Variants in PCBP3 observed in about 807,000 individuals in gnomAD.
The protein encoded by PCBP3 is poly(rC)-binding protein 3.
Under a neutral mutation model 52.7 loss-of-function variants are expected in PCBP3, and 25 were observed. The ratio of observed to expected loss-of-function variants is 0.47; its 90% CI spans 0.35 to 0.66. The LOEUF (loss-of-function observed/expected upper bound fraction) is 0.66. Among genes scored for constraint, PCBP3 ranks in the 30% least tolerant of loss-of-function variants. PCBP3 has a pLI of 0.01. For missense variants in PCBP3, 391 were observed against 490.3 expected (o/e 0.80, Z 1.91); for synonymous variants, 162 against 183.0 (o/e 0.89, Z 0.93).
At chr21:45,746,628 T>C (rs1256225367) in intron 3 of PCBP3, among the ~76,000 whole-genome samples, 1 of 43,848 alleles carries the variant, frequency 2.3e-5, no homozygotes, top group African/African-American at 1.1e-4. Flanking sequence ...GCGCACACGG[T>C]GGTGTCAGCA....
chr21:45,794,928 CAAA>C (rs35538325), intron 4 of PCBP3, among the ~76,000 whole-genome samples: 2 of 95,810 alleles, frequency 2.1e-5, no homozygotes, highest in African/African-American at 4.0e-5. Context: ...GACTCTGTCT[CAAA>C]AAAAAAAAAA....
chr21:45,778,541 T>C (rs534560359), intron 4 of PCBP3, among the ~76,000 whole-genome samples: 33 of 152,220 alleles, frequency 2.2e-4, no homozygotes, highest in African/African-American at 7.0e-4. Flanking sequence ...TGTACATTTA[T>C]GTTGGTGGTG....
At chr21:45,911,350 A>G in intron 11 of PCBP3, 2 of 298,308 alleles carry the variant, frequency 6.7e-6, no homozygotes, top group South Asian at 5.6e-5. Flanking sequence ...ACTGAGTTGG[A>G]GCTGCAGAAA....
chr21:45,715,729 T>A (rs1277006128), intron 2 of PCBP3, among the ~76,000 whole-genome samples: 2 of 152,210 alleles, frequency 1.3e-5, no homozygotes, highest in South Asian at 4.1e-4. Context: ...TTTATTTCCC[T>A]GATGACTGAT....
chr21:45,765,083 C>G (rs1347582347), intron 4 of PCBP3, among the ~76,000 whole-genome samples: 4 of 152,172 alleles, frequency 2.6e-5, no homozygotes, highest in Admixed American at 1.3e-4. Context: ...GTGCAGAGGG[C>G]ATGGGTGTGC....
intron 2 of PCBP3, among the ~76,000 whole-genome samples, chr21:45,701,541 T>A (rs2083128105): frequency 6.6e-6 from 1 of 152,196 alleles, no homozygotes; most frequent in African/African-American, 2.4e-5. Context: ...AAAAACATTT[T>A]ATTATTTATT....
At chr21:45,925,820 A>T (rs1251245752) in intron 13 of PCBP3, among the ~76,000 whole-genome samples, 2 of 152,258 alleles carry the variant, frequency 1.3e-5, no homozygotes, top group Non-Finnish European at 2.9e-5. Flanking sequence ...AATATATTTT[A>T]AAAATTGACA....
chr21:45,673,270 T>G (rs2081280289), intron 2 of PCBP3, among the ~76,000 whole-genome samples: 2 of 152,234 alleles, frequency 1.3e-5, no homozygotes, highest in South Asian at 4.1e-4. Flanking sequence ...CTCCACTGTT[T>G]GGAAATGAAG....
intron 13 of PCBP3, among the ~76,000 whole-genome samples, chr21:45,929,123 G>A (rs559446652): frequency 1.3e-5 from 2 of 152,226 alleles, no homozygotes; most frequent in African/African-American, 4.8e-5. Flanking sequence ...AAGAAATGAG[G>A]CTCAGGTAAA....
At chr21:45,862,929 T>C (rs959960241) in intron 5 of PCBP3, among the ~76,000 whole-genome samples, 2 of 152,190 alleles carry the variant, frequency 1.3e-5, no homozygotes, top group African/African-American at 4.8e-5. Context: ...GTGGCAGAAG[T>C]GCCTAGTTTG....
chr21:45,869,274 G>A (rs903844046), intron 5 of PCBP3: 6 of 152,250 alleles, frequency 3.9e-5, no homozygotes, highest in Admixed American at 6.5e-5. Flanking sequence ...GTCTAATCCG[G>A]GAGCATCTGG....
At position 45,917,277 on chromosome 21, in the gene PCBP3, T is replaced by TG. The variant is rs1267070172; in HGVS notation, c.676-308dup. 5 of 331,760 alleles carry TG rather than the reference T, an allele frequency of 1.5e-5. No homozygotes were observed. Among genetic ancestry groups the TG allele is most frequent in the African/African-American group, 1.1e-4 (5 of 47,042 alleles). The allele number at this position is 331,760 out of a possible 1,614,324, so 20.6% of individuals were successfully genotyped here. On this transcript the variant is annotated intron_variant, in intron 12 of 17. Transcript: ENST00000681687. This position sits in a 1 kb window ranked among gnomAD's most constrained non-coding sequence, Gnocchi z 5.3. ...GTAATAATTAGTGGAGACCTCTTACTGGGCAGATCACTCTTCGATTCTTTT... is the reference window on the plus strand; with the variant it reads ...GTAATAATTAGTGGAGACCTCTTACTGGGGCAGATCACTCTTCGATTCTTTT...
chr21:45,683,798 C>A (rs964725988), intron 2 of PCBP3, among the ~76,000 whole-genome samples: 2 of 151,890 alleles, frequency 1.3e-5, no homozygotes, highest in Admixed American at 1.3e-4. Flanking sequence ...TGGTAGCAGG[C>A]GCCTGTAGTT....
chr21:45,708,783 T>C (rs933061074), intron 2 of PCBP3, among the ~76,000 whole-genome samples: 4 of 152,224 alleles, frequency 2.6e-5, no homozygotes, highest in Non-Finnish European at 4.4e-5. Flanking sequence ...CGTAGAGGCT[T>C]TTAGACCCTG....
chr21:45,895,903 C>A (rs569119009), intron 5 of PCBP3, among the ~76,000 whole-genome samples: 2 of 152,248 alleles, frequency 1.3e-5, no homozygotes, highest in African/African-American at 4.8e-5. Flanking sequence ...TGCCAGTCTC[C>A]GGCTGCTGAG....
At chr21:45,698,300 A>G (rs558206231) in intron 2 of PCBP3, among the ~76,000 whole-genome samples, 1 of 152,284 alleles carries the variant, frequency 6.6e-6, no homozygotes, top group South Asian at 2.1e-4. Context: ...CTGATTATGC[A>G]TACCTGACAC....
intron 4 of PCBP3, among the ~76,000 whole-genome samples, chr21:45,809,475 C>T (rs1021930682): frequency 6.6e-6 from 1 of 152,110 alleles, no homozygotes; most frequent in African/African-American, 2.4e-5. Flanking sequence ...GAGGAAGGGG[C>T]TCACTGGGGC....
chr21:45,833,913 G>A (rs76042010), intron 4 of PCBP3, among the ~76,000 whole-genome samples: 2 of 133,406 alleles, frequency 1.5e-5, no homozygotes, highest in African/African-American at 5.0e-5. Context: ...GAAATCTTCT[G>A]TTTTTTTAAA....
intron 4 of PCBP3, among the ~76,000 whole-genome samples, chr21:45,814,685 G>GTGA (rs2092800385): frequency 7.3e-6 from 1 of 136,664 alleles, no homozygotes; most frequent in Non-Finnish European, 1.6e-5. Flanking sequence ...TGAGTGGTGA[G>GTGA]TGAGTGGTGA....
Sources: allele counts gnomAD v4.1 joint callset (sites outside exome capture counted in the v4.1 genomes callset), GRCh38; gene constraint gnomAD v4.1.1; non-coding constraint Gnocchi (gnomAD v3.1); transcripts MANE v1.5; gene names NCBI Gene and HGNC (gene_info 2026-07-23, HGNC 2026-07-21).